SPTBN5: variants seen among roughly 807,000 people sequenced by gnomAD.
SPTBN5 encodes the protein spectrin beta chain, non-erythrocytic 5.
In SPTBN5, 513 loss-of-function variants were observed where a neutral mutation model predicts 477.6. The observed-to-expected ratio is 1.07, with a 90% CI of 1.00 to 1.16. The LOEUF (loss-of-function observed/expected upper bound fraction) is 1.16, where lower values mean the gene tolerates loss of function less well. SPTBN5 is among the 50% of genes most tolerant of loss of function. The pLI is 0.00. For synonymous variants in SPTBN5, 2,169 were observed against 2,011.7 expected (o/e 1.08, Z -2.09); for missense variants, 5,062 against 4,731.8 (o/e 1.07, Z -2.05).
intron 67 of SPTBN5, among the ~76,000 whole-genome samples, chr15:41,848,883 A>G (rs1470907128): frequency 6.6e-6 from 1 of 152,208 alleles, no homozygotes; most frequent in Non-Finnish European, 1.5e-5. Flanking sequence ...CCTGGGTTAG[A>G]GACAGCAGAA....
chr15:41,875,556 G>A lies in SPTBN5; in HGVS notation c.4189C>T (p.Leu1397=). The change falls in exon 22 of 68, where the codon CTG becomes TTG. Residue 1397 remains leucine, a synonymous_variant. Transcript: ENST00000320955. ...TTCAAAGCTTCCCACTTGCTTCTCA[G>A]GCCTTGAAGCCTGGTCTGTATGTCC... The part of the protein sequence containing the change: ...QEDIQTRLQG[L]RSKWEALNRK... 1 of 1,610,038 alleles carries A rather than the reference G, an allele frequency of 6.2e-7. No homozygotes were observed. Among genetic ancestry groups the A allele is most frequent in the Non-Finnish European group, 8.5e-7 (1 of 1,178,320 alleles).
chr15:41,886,180 G>A lies in SPTBN5; in HGVS notation c.1075C>T (p.Arg359Trp), dbSNP rs762176935. 42 of 1,612,726 alleles carry A rather than the reference G, an allele frequency of 2.6e-5. No homozygotes were observed. The highest frequency in any genetic ancestry group is 3.5e-5 in the Non-Finnish European group (41 of 1,179,746). ...TIFRTQEKPP[R>W]LQQRGAAEAL... ...TCTGCGGCCCCTCGCTGCTGTAGCC[G>A]GGGTGGCTTCTCCTGGGTGCGGAAG... is the stretch of plus-strand genomic sequence containing the variant. The change falls in exon 7 of 68, where the codon CGG becomes TGG. Residue 359 changes from arginine to tryptophan, a missense_variant. Arg to Trp is a moderately radical substitution (Grantham distance 101). Coordinates refer to ENST00000320955, the MANE Select transcript of SPTBN5 (RefSeq NM_016642.4).
chr15:41,863,725 G>A lies in SPTBN5; in HGVS notation c.7128C>T (p.Val2376=), dbSNP rs2066198957. Residue 2376 remains valine, a synonymous_variant, in exon 41 of 68, where the codon GTC becomes GTT. Coordinates refer to ENST00000320955, the MANE Select transcript of SPTBN5 (RefSeq NM_016642.4). ...IHVLSRELDN[V]TKRIQEKEAL... is the part of the protein sequence containing the mutation. ...GTACCTTCTCCTGAATCCTCTTGGT[G>A]ACATTGTCCAGCTCTCGGGACAACA... 6.2e-7 allele frequency: 1 copy of A among 1,613,398 alleles called. No individual in the cohort carries two copies. The highest frequency in any genetic ancestry group is 8.5e-7 in the Non-Finnish European group (1 of 1,179,726).
intron 47 of SPTBN5, 121 bp downstream of exon 47, chr15:41,860,465 G>A (rs887975673): frequency 3.5e-6 from 4 of 1,153,686 alleles, no homozygotes; most frequent in Non-Finnish European, 4.5e-6. Flanking sequence ...TCTGACCTCA[G>A]TCCTTGGACA....
At chr15:41,850,963 A>G in intron 65 of SPTBN5, 24 bp from the exon 66 acceptor site, 2 of 1,594,848 alleles carry the variant, frequency 1.3e-6, no homozygotes, top group Non-Finnish European at 1.7e-6. Context: ...TCACAGGTCA[A>G]ACTCCACTGT....
At chr15:41,867,217 C>T (rs948559035) in intron 35 of SPTBN5, 91 bp from the exon 36 acceptor site, 55 of 1,392,502 alleles carry the variant, frequency 3.9e-5, no homozygotes, top group Admixed American at 1.1e-4. Context: ...TTGAGGGCCC[C>T]GGAGCCCTTT....
chr15:41,865,111 T>C (rs1190093695), intron 39 of SPTBN5, among the ~76,000 whole-genome samples: 1 of 152,204 alleles, frequency 6.6e-6, no homozygotes, highest in Non-Finnish European at 1.5e-5. Context: ...AATACATACA[T>C]GTACCGGGGG....
At chr15:41,893,586 T>C (rs918668347) in intron 1 of SPTBN5, 40 bp from the exon 2 acceptor site, 45 of 1,499,970 alleles carry the variant, frequency 3.0e-5, no homozygotes, top group Non-Finnish European at 4.0e-5. Context: ...TGAATGGAGA[T>C]GGCCCCTCTA....
At chr15:41,868,256 G>T in intron 33 of SPTBN5, 38 bp from the exon 34 acceptor site, 1 of 1,574,640 alleles carries the variant, frequency 6.4e-7, no homozygotes, top group Non-Finnish European at 8.6e-7. Flanking sequence ...GCTGGGGAGG[G>T]TGGTGTGGGT....
At chr15:41,880,419 C>T (rs1270681997) in intron 13 of SPTBN5, 107 bp from the exon 14 acceptor site, 10 of 1,256,468 alleles carry the variant, frequency 8.0e-6, no homozygotes, top group Admixed American at 2.8e-5. Context: ...CAGCAGAGCC[C>T]AGGGTCAGGG....
Position 41,857,419 on chromosome 15 carries a change from TGGG to T in SPTBN5, c.8437_8439del (p.Pro2813del). Reference sequence around the variant, plus strand: ...ACCCCAGGCAGGGCCTGGCCCACAGTGGGGGCTCTCAGCTCAACCTCGATGGGC... The same window carrying T: ...ACCCCAGGCAGGGCCTGGCCCACAGTGGCTCTCAGCTCAACCTCGATGGGC... On this transcript the variant is annotated inframe_deletion, in exon 51 of 68. Coordinates refer to ENST00000320955, the MANE Select transcript of SPTBN5 (RefSeq NM_016642.4). 6.2e-7 allele frequency: 1 copy of T among 1,601,054 alleles called. No homozygotes were observed. Among genetic ancestry groups the T allele is most frequent in the Non-Finnish European group, 8.5e-7 (1 of 1,174,288 alleles).
chr15:41,876,983 G>T (rs896692858), intron 18 of SPTBN5, 35 bp from the exon 19 acceptor site: 3 of 1,587,168 alleles, frequency 1.9e-6, no homozygotes, highest in East Asian at 4.6e-5. Flanking sequence ...ATGCCTGGGA[G>T]AATGGGGGTC....
chr15:41,893,167 C>A, intron 2 of SPTBN5, 106 bp from the exon 3 acceptor site: 1 of 1,571,738 alleles, frequency 6.4e-7, no homozygotes, highest in Non-Finnish European at 8.6e-7. Context: ...GAAGAAGGAG[C>A]TCTGGCCTCA....
intron 43 of SPTBN5, 84 bp from the exon 44 acceptor site, chr15:41,862,376 C>T (rs2066142282): frequency 2.0e-6 from 3 of 1,527,060 alleles, no homozygotes; most frequent in African/African-American, 2.8e-5. Context: ...CCCTTAATCC[C>T]CTCAACCACA....
At position 41,861,759 on chromosome 15, in the gene SPTBN5, C is replaced by T; in HGVS notation, c.7713G>A (p.Gln2571=). 1 of 1,551,372 alleles carries T rather than the reference C, an allele frequency of 6.4e-7. No homozygotes were observed. The highest frequency in any genetic ancestry group is 2.4e-5 in the East Asian group (1 of 41,704). The change falls in exon 45 of 68, where the codon CAG becomes CAA. Residue 2571 remains glutamine (Q), a synonymous_variant. Coordinates refer to ENST00000320955, the MANE Select transcript of SPTBN5 (RefSeq NM_016642.4). ...CCTGTAGCTCCAGGGCCTGCTGCAG[C>T]TGTAGCTGATGCTCCTGCCAGGCCC... ...LEGAWQEHQL[Q]LQQALELQLF... is the part of the protein sequence containing the mutation.
intron 32 of SPTBN5, 100 bp from the exon 33 acceptor site, chr15:41,868,701 C>T (rs962711482): frequency 4.0e-6 from 5 of 1,236,450 alleles, no homozygotes; most frequent in Non-Finnish European, 4.6e-6. Context: ...TCCACTCACA[C>T]AGCCCGAGCC....
In SPTBN5 at chr15:41,875,481, C is replaced by G; in HGVS notation, c.4264G>C (p.Glu1422Gln). ...ACCTGCAGCTGCCTCAGGAGTTGCT[C>G]CTGCTGTCCAGCCTGCTGGAGCTCG... ...GDELQQAGQQEQLLRQLQDAK... is the reference protein window; with the variant it reads ...GDELQQAGQQQQLLRQLQDAK... Residue 1422 changes from glutamate (E) to glutamine (Q), a missense_variant, in exon 22 of 68, where the codon GAG becomes CAG. Glu to Gln is a conservative substitution (Grantham distance 29). Coordinates refer to ENST00000320955, the MANE Select transcript of SPTBN5 (RefSeq NM_016642.4). 1 of 1,612,500 alleles carries G rather than the reference C, an allele frequency of 6.2e-7. No homozygotes were observed.
chr15:41,871,315 C>A, intron 29 of SPTBN5, 60 bp downstream of exon 29: 1 of 1,355,356 alleles, frequency 7.4e-7, no homozygotes. Flanking sequence ...CCACTCTGGG[C>A]CCTGCCTGCC....
Position 41,893,555 on chromosome 15 carries a change from C to T in SPTBN5, c.-49-9G>A. 6.5e-7 allele frequency: 1 copy of T among 1,531,200 alleles called. No homozygotes were observed. Among genetic ancestry groups the T allele is most frequent in the Non-Finnish European group, 8.7e-7 (1 of 1,144,306 alleles). 94.9% of individuals were successfully genotyped at this position (1,531,200 alleles called of 1,614,324 possible). A position where few individuals can be genotyped will look rare whatever the true frequency, so the allele number is the denominator to read the frequency against. The stretch of plus-strand genomic sequence containing the variant: ...TGGATGGCTCCCTAAACCTGGAGGG[C>T]ATGCAGATTAGGGGATGATGTGAAT... On this transcript the variant is annotated splice_polypyrimidine_tract_variant and intron_variant, in intron 1 of 67. Coordinates refer to ENST00000320955, the MANE Select transcript of SPTBN5 (RefSeq NM_016642.4).
Sources: allele counts gnomAD v4.1 joint callset (sites outside exome capture counted in the v4.1 genomes callset), GRCh38; gene constraint gnomAD v4.1.1; transcripts MANE v1.5; gene names NCBI Gene and HGNC (gene_info 2026-07-23, HGNC 2026-07-21).